TAS1R1: variants seen among roughly 807,000 people sequenced by gnomAD.
TAS1R1 encodes the protein taste receptor type 1 member 1.
TAS1R1 carries 31 observed loss-of-function variants against 45.8 expected under a neutral mutation model. That is an observed-to-expected ratio of 0.68 (90% CI 0.51 to 0.91). The LOEUF (loss-of-function observed/expected upper bound fraction) is 0.91. Among genes scored for constraint, TAS1R1 ranks in the 40% least tolerant of loss-of-function variants. The pLI, the probability that TAS1R1 is intolerant of heterozygous loss-of-function variation, is 0.00. For synonymous variants in TAS1R1, 437 were observed against 448.4 expected (o/e 0.97, Z 0.32); for missense variants, 1,051 against 1,063.9 (o/e 0.99, Z 0.17).
In TAS1R1 at chr1:6,578,771, G is replaced by A. The variant is rs1489663489; in HGVS notation, c.1713G>A (p.Leu571=). The A allele has an allele frequency of 8.1e-6, 13 of 1,613,052 alleles. No individual in the cohort carries two copies. Among genetic ancestry groups the A allele is most frequent in the East Asian group, 2.2e-5 (1 of 44,890 alleles). The change falls in exon 6 of 6, where the codon CTG becomes CTA. Residue 571 remains leucine (L), a synonymous_variant. Transcript: ENST00000333172. ...ALREHTSWVL[L]AANTLLLLLL... ...GTGAGCACACCTCTTGGGTGCTGCT[G>A]GCAGCTAACACGCTGCTGCTGCTGC... is the stretch of plus-strand genomic sequence containing the variant.
rs777190660 is a variant in TAS1R1, at chr1:6,579,357, C to T, written c.2299C>T (p.Leu767Phe). ...NEAKCVTFSL[L>F]FNFVSWIAFF... ...GGCCAAATGTGTCACCTTCAGCCTG[C>T]TCTTCAACTTCGTGTCCTGGATCGC... The change falls in exon 6 of 6, where the codon CTC (leucine) becomes TTC (phenylalanine). Residue 767 changes from leucine (L) to phenylalanine (F), a missense_variant. Coordinates refer to ENST00000333172, the MANE Select transcript of TAS1R1 (RefSeq NM_138697.4). 6.2e-7 allele frequency: 1 copy of T among 1,614,046 alleles called. No homozygotes were observed. Among genetic ancestry groups the T allele is most frequent in the South Asian group, 1.1e-5 (1 of 91,088 alleles).
At chr1:6,569,893 A>G (rs1639965449) in intron 1 of TAS1R1, among the ~76,000 whole-genome samples, 1 of 151,964 alleles carries the variant, frequency 6.6e-6, no homozygotes, top group Admixed American at 6.6e-5. Flanking sequence ...GTTGCCAATA[A>G]TGGGAGAGTC....
In TAS1R1 at chr1:6,577,085, G is replaced by A. The variant is rs1396743447; in HGVS notation, c.1594+15G>A. ...CAACAAGAGTGGTGAGTGGGCAATGGAGCAGGCGAGCTACCCAGCACTCCC... is the reference window on the plus strand; with the variant it reads ...CAACAAGAGTGGTGAGTGGGCAATGAAGCAGGCGAGCTACCCAGCACTCCC... On this transcript the variant is annotated intron_variant, in intron 5 of 5. Coordinates refer to ENST00000333172, the MANE Select transcript of TAS1R1 (RefSeq NM_138697.4). 1 of 1,614,014 alleles carries A rather than the reference G, an allele frequency of 6.2e-7. No individual in the cohort carries two copies. The highest frequency in any genetic ancestry group is 1.3e-5 in the African/African-American group (1 of 74,948).
Position 6,575,166 on chromosome 1 carries a change from A to G in TAS1R1, c.1034A>G (p.Asp345Gly). The G allele has an allele frequency of 6.3e-7, 1 of 1,596,962 alleles. No individual in the cohort carries two copies. The highest frequency in any genetic ancestry group is 8.5e-7 in the Non-Finnish European group (1 of 1,172,928). The part of the protein sequence containing the change: ...KAFEEAYARA[D>G]KKAPRPCHKG... ...TTTGAAGAAGCCTATGCCCGGGCAG[A>G]CAAGAAGGCCCCTAGGCCTTGCCAC... The change falls in exon 3 of 6, where the codon GAC (aspartate) becomes GGC (glycine). Residue 345 changes from aspartate (D) to glycine (G), a missense_variant. Transcript: ENST00000333172.
chr1:6,577,689 G>A lies in TAS1R1; in HGVS notation c.1594+619G>A, dbSNP rs1055371904. ...AAAATACAAAAAAAGTTAGCCGGGC[G>A]TTGTGGCGTGTGCCTGTAATTCCAG... On this transcript the variant is annotated intron_variant, in intron 5 of 5. Coordinates refer to ENST00000333172, the MANE Select transcript of TAS1R1 (RefSeq NM_138697.4). Among the ~76,000 whole-genome samples the A allele has an allele frequency of 1.3e-4, 19 of 151,774 alleles. 1 individual carries two copies. Among genetic ancestry groups the A allele is most frequent in the Middle Eastern group, 6.4e-3 (2 of 314 alleles).
In TAS1R1 at chr1:6,574,651, C is replaced by T. The variant is rs369736383; in HGVS notation, c.519C>T (p.Ser173=). 1.4e-5 allele frequency: 23 copies of T among 1,607,176 alleles called. No individual in the cohort carries two copies. The highest frequency in any genetic ancestry group is 6.7e-5 in the Admixed American group (4 of 59,792). Reference sequence around the variant, plus strand: ...CATAGATTAGCTATGCGGCCAGCAGCGAGACGCTCAGCGTGAAGCGGCAGT... The same window carrying T: ...CATAGATTAGCTATGCGGCCAGCAGTGAGACGCTCAGCGTGAAGCGGCAGT... The part of the protein sequence containing the change: ...LVPMISYAAS[S]ETLSVKRQYP... The change falls in exon 3 of 6, where the codon AGC becomes AGT. Residue 173 remains serine (S), a synonymous_variant. Coordinates refer to ENST00000333172, the MANE Select transcript of TAS1R1 (RefSeq NM_138697.4). The surrounding 1 kb of genome is among the most constrained non-coding windows in gnomAD (Gnocchi z 4.3).
intron 2 of TAS1R1, among the ~76,000 whole-genome samples, chr1:6,572,803 C>T (rs1640052127): frequency 6.6e-6 from 1 of 152,176 alleles, no homozygotes; most frequent in Non-Finnish European, 1.5e-5. Context: ...CTGATCTGAG[C>T]CCCTGATGCT....
intron 1 of TAS1R1, among the ~76,000 whole-genome samples, chr1:6,559,097 G>A (rs1038619140): frequency 2.6e-5 from 4 of 151,994 alleles, no homozygotes; most frequent in African/African-American, 7.2e-5. Context: ...GTTTCACCAT[G>A]TTAGCCAGGA....
chr1:6,578,551 T>G, intron 5 of TAS1R1, 102 bp from the exon 6 acceptor site: 1 of 1,503,460 alleles, frequency 6.7e-7, no homozygotes. Flanking sequence ...TAGTATAGTC[T>G]AGCTGCCCTG....
intron 1 of TAS1R1, among the ~76,000 whole-genome samples, chr1:6,567,457 G>A (rs1006410255): frequency 6.6e-6 from 1 of 152,086 alleles, no homozygotes; most frequent in Admixed American, 6.5e-5. Context: ...CTACTTGGGA[G>A]GCTGAGGCAG....
chr1:6,564,090 G>T (rs1292056945), intron 1 of TAS1R1, among the ~76,000 whole-genome samples: 1 of 152,166 alleles, frequency 6.6e-6, no homozygotes, highest in East Asian at 1.9e-4. Context: ...AGAATCGGCG[G>T]AAGGCGGCGG....
intron 1 of TAS1R1, among the ~76,000 whole-genome samples, chr1:6,561,952 G>A (rs1002077621): frequency 6.6e-6 from 1 of 152,176 alleles, no homozygotes; most frequent in Non-Finnish European, 1.5e-5. Flanking sequence ...TGGAGGCTGT[G>A]AAGGCCCCCA....
intron 4 of TAS1R1, 32 bp from the exon 5 acceptor site, chr1:6,576,917 GC>G: frequency 6.2e-7 from 1 of 1,614,144 alleles, no homozygotes; most frequent in East Asian, 2.2e-5. Context: ...TTTGACTTGG[GC>G]CCCTACGTGT....
intron 1 of TAS1R1, among the ~76,000 whole-genome samples, chr1:6,560,473 C>G (rs1467213554): frequency 7.2e-5 from 11 of 152,196 alleles, no homozygotes; most frequent in African/African-American, 2.7e-4. Flanking sequence ...TGGGTAAACC[C>G]ACTTCCTGGT....
chr1:6,572,882 C>T (rs1187817138), intron 2 of TAS1R1, among the ~76,000 whole-genome samples: 1 of 152,166 alleles, frequency 6.6e-6, no homozygotes, highest in Non-Finnish European at 1.5e-5. Flanking sequence ...ACAACAAAAG[C>T]CTCTTTTCTT....
chr1:6,579,127 A>G lies in TAS1R1; in HGVS notation c.2069A>G (p.Gln690Arg). The G allele has an allele frequency of 6.2e-7, 1 of 1,614,192 alleles. No homozygotes were observed. The highest frequency in any genetic ancestry group is 1.3e-5 in the African/African-American group (1 of 75,058). The change falls in exon 6 of 6, where the codon CAG becomes CGG. Residue 690 changes from glutamine to arginine, a missense_variant. By Grantham distance (43) the Gln-to-Arg change is conservative. Coordinates refer to ENST00000333172, the MANE Select transcript of TAS1R1 (RefSeq NM_138697.4). Reference sequence around the variant, plus strand: ...TTTGTGATGATCAGCTCAGCGGCCCAGCTGCTTATCTGTCTAACTTGGCTG... The same window carrying G: ...TTTGTGATGATCAGCTCAGCGGCCCGGCTGCTTATCTGTCTAACTTGGCTG... ...GLFVMISSAA[Q>R]LLICLTWLVV...
Position 6,576,552 on chromosome 1 carries a change from C to T in TAS1R1, c.1398C>T (p.Leu466=), listed in dbSNP as rs149819497. Reference sequence around the variant, plus strand: ...GACCCAAGTGGACCTTCACGGTCCTCGGTTCCTCCACATGGTCTCCAGTTC... The same window carrying T: ...GACCCAAGTGGACCTTCACGGTCCTTGGTTCCTCCACATGGTCTCCAGTTC... ...WNGPKWTFTV[L]GSSTWSPVQL... is the part of the protein sequence containing the mutation. Residue 466 remains leucine, a synonymous_variant, in exon 4 of 6, where the codon CTC becomes CTT. Coordinates refer to ENST00000333172, the MANE Select transcript of TAS1R1 (RefSeq NM_138697.4). The T allele has an allele frequency of 9.1e-5, 147 of 1,614,126 alleles. No homozygotes were observed. Among genetic ancestry groups the T allele is most frequent in the Admixed American group, 1.7e-4 (10 of 60,010 alleles).
chr1:6,569,141 G>A (rs1251732416), intron 1 of TAS1R1, among the ~76,000 whole-genome samples: 1 of 151,190 alleles, frequency 6.6e-6, no homozygotes, highest in African/African-American at 2.4e-5. Flanking sequence ...GAACAGGAAC[G>A]GGGACGTAAG....
intron 4 of TAS1R1, 23 bp from the exon 5 acceptor site, chr1:6,576,927 G>A: frequency 1.9e-6 from 3 of 1,614,216 alleles, no homozygotes; most frequent in Non-Finnish European, 2.5e-6. Context: ...GCCCCTACGT[G>A]TGGCCCCTCT....
Sources: allele counts gnomAD v4.1 joint callset (sites outside exome capture counted in the v4.1 genomes callset), GRCh38; gene constraint gnomAD v4.1.1; non-coding constraint Gnocchi (gnomAD v3.1); transcripts MANE v1.5; gene names NCBI Gene and HGNC (gene_info 2026-07-23, HGNC 2026-07-21).